Variants in TP63 observed in about 807,000 individuals in gnomAD.
TP63 encodes the protein tumor protein p63, also known as tumor protein 63.
A neutral mutation model predicts 82.8 loss-of-function variants in TP63; 17 were observed. The ratio of observed to expected loss-of-function variants is 0.21; its 90% CI spans 0.14 to 0.31. TP63 has a LOEUF of 0.31. Among genes scored for constraint, TP63 ranks in the 10% least tolerant of loss-of-function variants. The pLI is 1.00. For synonymous variants in TP63, 330 were observed against 321.7 expected, an observed-to-expected ratio of 1.03 and a Z score of -0.28; for missense variants, 648 against 895.3, an observed-to-expected ratio of 0.72 and a Z score of 3.52.
chr3:189,614,936 G>A, the TP63 span, among the ~76,000 whole-genome samples: 1 of 152,138 alleles, frequency 6.6e-6, no homozygotes, highest in African/African-American at 2.4e-5. Context: ...GACAGACAAT[G>A]GAATGCATTC....
chr3:189,614,823 G>A, the TP63 span, among the ~76,000 whole-genome samples: 1 of 152,178 alleles, frequency 6.6e-6, no homozygotes, highest in Non-Finnish European at 1.5e-5. Context: ...TGAACTATAT[G>A]TATATCATAC....
the TP63 span, among the ~76,000 whole-genome samples, chr3:189,616,949 G>A: frequency 6.6e-6 from 1 of 152,146 alleles, no homozygotes; most frequent in African/African-American, 2.4e-5. Flanking sequence ...CTCAGATTAT[G>A]GACCAGAGCA....
intron 4 of TP63, among the ~76,000 whole-genome samples, chr3:189,830,550 A>G (rs1156902440): frequency 2.0e-5 from 3 of 152,212 alleles, no homozygotes; most frequent in African/African-American, 7.2e-5. Flanking sequence ...TGATATGCTT[A>G]TCTCAAATAT....
At chr3:189,713,484 G>A (rs1033725596) in intron 1 of TP63, among the ~76,000 whole-genome samples, 1 of 152,062 alleles carries the variant, frequency 6.6e-6, no homozygotes, top group Admixed American at 6.6e-5. Context: ...AAACGTTTAG[G>A]GGGTAATCTC....
chr3:189,620,222 T>G, the TP63 span, among the ~76,000 whole-genome samples: 1 of 146,346 alleles, frequency 6.8e-6, no homozygotes, highest in Non-Finnish European at 1.5e-5. Flanking sequence ...AATACAAAAC[T>G]TAGCTGAGCA....
chr3:189,873,183 C>G, intron 10 of TP63, 188 bp downstream of exon 10: 1 of 749,488 alleles, frequency 1.3e-6, no homozygotes, highest in Non-Finnish European at 2.3e-6. Flanking sequence ...ATAACCTTCC[C>G]TTCAGAATTC....
intron 3 of TP63, among the ~76,000 whole-genome samples, chr3:189,794,034 A>C (rs777521394): frequency 1.3e-5 from 2 of 152,172 alleles, no homozygotes; most frequent in African/African-American, 2.4e-5. Flanking sequence ...TCTTAAGGAC[A>C]CAATTTGTGG....
the TP63 span, among the ~76,000 whole-genome samples, chr3:189,623,887 G>A: frequency 7.9e-5 from 12 of 152,226 alleles, no homozygotes; most frequent in Non-Finnish European, 1.5e-5. Flanking sequence ...AACCTAGAGT[G>A]TGCTATGTAT....
chr3:189,886,086 G>A (rs1720416094), intron 10 of TP63, among the ~76,000 whole-genome samples: 1 of 152,126 alleles, frequency 6.6e-6, no homozygotes, highest in Non-Finnish European at 1.5e-5. Context: ...AAGAGGAGAA[G>A]GGAATGGAGA....
At chr3:189,596,753 C>A in the TP63 span, among the ~76,000 whole-genome samples, 1 of 152,188 alleles carries the variant, frequency 6.6e-6, no homozygotes, top group East Asian at 1.9e-4. Context: ...AGTGGCAACC[C>A]GCTGGGGTCA....
chr3:189,611,210 C>A, the TP63 span, among the ~76,000 whole-genome samples: 2 of 152,140 alleles, frequency 1.3e-5, no homozygotes, highest in Non-Finnish European at 2.9e-5. Flanking sequence ...TGTCATGAAA[C>A]CTTTGCTCAT....
chr3:189,875,296 G>A (rs1047195858), intron 10 of TP63, among the ~76,000 whole-genome samples: 1 of 151,696 alleles, frequency 6.6e-6, no homozygotes, highest in African/African-American at 2.4e-5. Flanking sequence ...GGCCGGGCAC[G>A]GTGGCTCACG....
At chr3:189,765,433 C>CTTTTTGTTTTTTTTTTTTTTT (rs1722871964) in intron 3 of TP63, among the ~76,000 whole-genome samples, 1 of 30,088 alleles carries the variant, frequency 3.3e-5, no homozygotes, top group Non-Finnish European at 5.9e-5. Context: ...CTGTCCTCTG[C>CTTTTTGTTTTTTTTTTTTTTT]TTTTTTTTTT....
At chr3:189,660,281 C>T (rs1713754445) in intron 1 of TP63, among the ~76,000 whole-genome samples, 1 of 152,032 alleles carries the variant, frequency 6.6e-6, no homozygotes, top group Non-Finnish European at 1.5e-5. Flanking sequence ...GCCAGCTATC[C>T]CAGCACCATT....
chr3:189,798,745 C>T (rs778803141), intron 3 of TP63, among the ~76,000 whole-genome samples: 85 of 152,030 alleles, frequency 5.6e-4, no homozygotes, highest in Non-Finnish European at 6.5e-4. Context: ...TTCTCTTAAA[C>T]GTGGTATTCC....
intron 4 of TP63, among the ~76,000 whole-genome samples, chr3:189,855,928 G>A (rs1716235904): frequency 6.6e-6 from 1 of 151,964 alleles, no homozygotes; most frequent in Non-Finnish European, 1.5e-5. Context: ...GCTTCTCATA[G>A]TGACAACACT....
intron 1 of TP63, among the ~76,000 whole-genome samples, chr3:189,672,925 C>T (rs1156518861): frequency 6.6e-6 from 1 of 152,120 alleles, no homozygotes; most frequent in East Asian, 1.9e-4. Flanking sequence ...ACTGCAACCT[C>T]TGCCTTCCAC....
At chr3:189,742,920 G>A (rs1355943463) in intron 3 of TP63, among the ~76,000 whole-genome samples, 2 of 152,084 alleles carry the variant, frequency 1.3e-5, no homozygotes, top group African/African-American at 2.4e-5. Context: ...CTTAAAATAT[G>A]AGTCAAATTG....
intron 1 of TP63, among the ~76,000 whole-genome samples, chr3:189,718,984 C>G (rs962903750): frequency 6.6e-6 from 1 of 152,084 alleles, no homozygotes; most frequent in African/African-American, 2.4e-5. Flanking sequence ...ATGAATGTCT[C>G]TAGCTCTTTG....
Sources: allele counts gnomAD v4.1 joint callset (sites outside exome capture counted in the v4.1 genomes callset), GRCh38; gene constraint gnomAD v4.1.1; transcripts MANE v1.5; gene names NCBI Gene and HGNC (gene_info 2026-07-23, HGNC 2026-07-21).